The following CHIC2 variants were observed in gnomAD, a reference collection of about 807,000 sequenced individuals.
CHIC2 encodes the protein cysteine rich hydrophobic domain 2.
Under a neutral mutation model 25.9 loss-of-function variants are expected in CHIC2, and 14 were observed. That is an observed-to-expected ratio of 0.54 (90% CI 0.36 to 0.85). The LOEUF is 0.85. Among genes scored for constraint, CHIC2 ranks in the 40% least tolerant of loss-of-function variants. The pLI is 0.01. For synonymous variants in CHIC2, 70 were observed against 72.0 expected, an observed-to-expected ratio of 0.97 and a Z score of 0.14; for missense variants, 146 against 202.0, an observed-to-expected ratio of 0.72 and a Z score of 1.68.
chr4:54,034,637 T>TG (rs1274878178), intron 3 of CHIC2, among the ~76,000 whole-genome samples: 2 of 152,328 alleles, frequency 1.3e-5, no homozygotes, highest in African/African-American at 4.8e-5. Flanking sequence ...ACTCACCTGT[T>TG]AGTTTCAAGA....
At chr4:54,024,631 G>T (rs547689928) in intron 3 of CHIC2, among the ~76,000 whole-genome samples, 1 of 152,200 alleles carries the variant, frequency 6.6e-6, no homozygotes, top group South Asian at 2.1e-4. Context: ...AAAGAGTGTT[G>T]TTTTTCTGTA....
At chr4:54,047,459 C>T (rs1172812846) in intron 3 of CHIC2, among the ~76,000 whole-genome samples, 4 of 151,996 alleles carry the variant, frequency 2.6e-5, no homozygotes, top group Admixed American at 2.6e-4. Flanking sequence ...CCATGGAATA[C>T]TATGCAGCCA....
the CHIC2 span, among the ~76,000 whole-genome samples, chr4:54,090,683 C>T: frequency 6.6e-6 from 1 of 152,126 alleles, no homozygotes; most frequent in African/African-American, 2.4e-5. Context: ...ATGCTCACAA[C>T]CATCCTGTGA....
the CHIC2 span, among the ~76,000 whole-genome samples, chr4:54,085,012 G>A: frequency 1.4e-5 from 2 of 139,472 alleles, no homozygotes; most frequent in Non-Finnish European, 3.1e-5. Flanking sequence ...CAAAATCTGT[G>A]AAAAGCTAAA....
intron 3 of CHIC2, among the ~76,000 whole-genome samples, chr4:54,015,200 T>C (rs1439170768): frequency 6.6e-6 from 1 of 152,180 alleles, no homozygotes; most frequent in East Asian, 1.9e-4. Flanking sequence ...TTATAATTCA[T>C]AACTACCAAT....
At chr4:54,079,422 T>A in the CHIC2 span, among the ~76,000 whole-genome samples, 29,713 of 151,858 alleles carry the variant, frequency 0.2, 3,012 homozygotes, top group South Asian at 0.27. Context: ...AGTAGTACAC[T>A]GCATCAAATC....
At chr4:54,041,774 T>A (rs1011508441) in intron 3 of CHIC2, among the ~76,000 whole-genome samples, 6 of 152,052 alleles carry the variant, frequency 3.9e-5, no homozygotes, top group Admixed American at 3.3e-4. Flanking sequence ...TTCATAGGCT[T>A]CCCTAAACCA....
chr4:54,022,146 C>A (rs1577965415), intron 3 of CHIC2, among the ~76,000 whole-genome samples: 1 of 152,180 alleles, frequency 6.6e-6, no homozygotes, highest in Non-Finnish European at 1.5e-5. Context: ...TTAGCCGTGT[C>A]CCATTTGTAC....
chr4:54,017,995 T>G (rs376408426), intron 3 of CHIC2, among the ~76,000 whole-genome samples: 2 of 152,212 alleles, frequency 1.3e-5, no homozygotes, highest in East Asian at 1.9e-4. Context: ...TTAAACAGAC[T>G]TAAGTTGAGC....
At chr4:54,059,115 G>A (rs1717258758) in intron 1 of CHIC2, among the ~76,000 whole-genome samples, 2 of 152,098 alleles carry the variant, frequency 1.3e-5, no homozygotes. Context: ...AGAAGTTTTA[G>A]TAGTTGGTCC....
chr4:54,017,818 AAAAAAC>A (rs553939383), intron 3 of CHIC2, among the ~76,000 whole-genome samples: 16 of 152,258 alleles, frequency 1.1e-4, no homozygotes, highest in South Asian at 4.1e-4. Context: ...TTTTTCTTTA[AAAAAAC>A]AAAAACAAAA....
chr4:54,045,343 C>CA (rs1443211788), intron 3 of CHIC2, among the ~76,000 whole-genome samples: 2 of 151,842 alleles, frequency 1.3e-5, no homozygotes, highest in Non-Finnish European at 2.9e-5. Flanking sequence ...AGAGACACAA[C>CA]AAAAAAAGAG....
At chr4:54,060,239 A>T (rs1439865466) in intron 1 of CHIC2, 1 of 152,224 alleles carries the variant, frequency 6.6e-6, no homozygotes, top group Non-Finnish European at 1.5e-5. Context: ...TTTTCAAGTC[A>T]CATTTCTAAA....
chr4:54,090,947 A>T, the CHIC2 span, among the ~76,000 whole-genome samples: 1 of 152,026 alleles, frequency 6.6e-6, no homozygotes, highest in Non-Finnish European at 1.5e-5. Flanking sequence ...TTACACATTA[A>T]TAAAAGGCCC....
chr4:54,032,187 A>G (rs1238647232), intron 3 of CHIC2, among the ~76,000 whole-genome samples: 4 of 152,212 alleles, frequency 2.6e-5, no homozygotes. Context: ...TCTGGTTAGC[A>G]TATCTAAAAG....
intron 1 of CHIC2, among the ~76,000 whole-genome samples, chr4:54,055,399 G>C (rs1717143853): frequency 6.6e-6 from 1 of 152,186 alleles, no homozygotes; most frequent in Non-Finnish European, 1.5e-5. Flanking sequence ...TGTAGTGAAA[G>C]AGAAAGAGGA....
At chr4:54,046,671 T>C (rs1307747711) in intron 3 of CHIC2, among the ~76,000 whole-genome samples, 4 of 152,168 alleles carry the variant, frequency 2.6e-5, no homozygotes, top group Admixed American at 2.0e-4. Flanking sequence ...AAGACTTACA[T>C]GTTAGACCTA....
chr4:54,055,650 T>A (rs760424638), intron 1 of CHIC2, among the ~76,000 whole-genome samples: 1 of 152,158 alleles, frequency 6.6e-6, no homozygotes, highest in Admixed American at 6.5e-5. Context: ...AAACTGAACA[T>A]ATTGGTTATG....
At chr4:54,024,533 G>T (rs1380687611) in intron 3 of CHIC2, among the ~76,000 whole-genome samples, 1 of 151,964 alleles carries the variant, frequency 6.6e-6, no homozygotes, top group African/African-American at 2.4e-5. Context: ...ACAAACAATT[G>T]CTGGCTTTGC....
Sources: allele counts gnomAD v4.1 joint callset (sites outside exome capture counted in the v4.1 genomes callset), GRCh38; gene constraint gnomAD v4.1.1; transcripts MANE v1.5; gene names NCBI Gene and HGNC (gene_info 2026-07-23, HGNC 2026-07-21).